The following FAM107A variants were observed in gnomAD, a reference collection of about 807,000 sequenced individuals.
The protein encoded by FAM107A is family with sequence similarity 107 member A.
FAM107A carries 19 observed loss-of-function variants against 13.7 expected under a neutral mutation model. That is an observed-to-expected ratio of 1.38 (90% CI 0.97 to 2.03). FAM107A has a LOEUF of 2.03. Among genes scored for constraint, FAM107A ranks in the 30% most tolerant of loss-of-function variants. The pLI is 0.00. For synonymous variants in FAM107A, 82 were observed against 74.5 expected (o/e 1.10, Z -0.52); for missense variants, 203 against 184.4 (o/e 1.10, Z -0.58).
intron 1 of FAM107A, among the ~76,000 whole-genome samples, chr3:58,616,514 T>C (rs2065901942): frequency 7.0e-6 from 1 of 142,170 alleles, no homozygotes; most frequent in Admixed American, 7.2e-5. Context: ...ACTGGTGTCC[T>C]TATAAGAGGA....
Position 58,603,215 on chromosome 3 carries a change from G to T in FAM107A, c.-69-13946C>A, listed in dbSNP as rs781072576. Among the ~76,000 whole-genome samples the T allele has an allele frequency of 9.5e-4, 145 of 152,184 alleles. 1 individual carries two copies. Among genetic ancestry groups the T allele is most frequent in the Non-Finnish European group, 8.8e-4 (60 of 67,998 alleles). On this transcript the variant is annotated intron_variant, in intron 1 of 3. Transcript: ENST00000465970. ...TCCCCATACCAACACTGTCCCCTGC[G>T]CTTGTGCACATTAGAAGCTCCCTAT...
chr3:58,616,568 C>CA (rs779144137), intron 1 of FAM107A, among the ~76,000 whole-genome samples: 25 of 137,094 alleles, frequency 1.8e-4, no homozygotes, highest in South Asian at 2.4e-4. Flanking sequence ...CACACACACA[C>CA]CACCACTACC....
At chr3:58,584,142 G>A (rs916832912) in intron 1 of FAM107A, among the ~76,000 whole-genome samples, 1 of 152,104 alleles carries the variant, frequency 6.6e-6, no homozygotes, top group African/African-American at 2.4e-5. Context: ...AGAGGCACAC[G>A]GTCCTGGTTG....
At chr3:58,580,058 C>T (rs531306138), upstream of FAM107A, among the ~76,000 whole-genome samples, 38 of 152,260 alleles carry the variant, frequency 2.5e-4, no homozygotes, top group African/African-American at 8.9e-4. Context: ...TGCAACTGTA[C>T]GTGAGATCAG....
chr3:58,587,514 TGTGTGG>T (rs1301688008), upstream of FAM107A, among the ~76,000 whole-genome samples: 1 of 137,274 alleles, frequency 7.3e-6, no homozygotes, highest in Non-Finnish European at 1.5e-5. Context: ...TGTGTGTGTG[TGTGTGG>T]CCCAGAACAG....
At chr3:58,582,274 C>T (rs534846963), upstream of FAM107A, among the ~76,000 whole-genome samples, 1 of 152,218 alleles carries the variant, frequency 6.6e-6, no homozygotes, top group South Asian at 2.1e-4. Flanking sequence ...TCAGATGGAA[C>T]TGAGTGCCCT....
At position 58,604,740 on chromosome 3, in the gene FAM107A, G is replaced by A. The variant is rs538848873; in HGVS notation, c.-69-15471C>T. On this transcript the variant is annotated intron_variant, in intron 1 of 3. Coordinates refer to the FAM107A transcript ENST00000465970. The surrounding 1 kb of genome is among the most constrained non-coding windows in gnomAD (Gnocchi z 4.1). Reference sequence around the variant, plus strand: ...CTATGTGCTAAACACTGGACTAGGTGCTTCAGGGTCTTCATCTACTAACTC... The same window carrying A: ...CTATGTGCTAAACACTGGACTAGGTACTTCAGGGTCTTCATCTACTAACTC... 1.2e-4 allele frequency among the ~76,000 whole-genome samples: 19 copies of A among 152,296 alleles called. No homozygotes were observed. Among genetic ancestry groups the A allele is most frequent in the South Asian group, 2.1e-4 (1 of 4,830 alleles).
At chr3:58,582,056 A>T (rs2065553089), upstream of FAM107A, among the ~76,000 whole-genome samples, 1 of 152,192 alleles carries the variant, frequency 6.6e-6, no homozygotes, top group African/African-American at 2.4e-5. Flanking sequence ...GCGCGCATGC[A>T]TGCAGGAGAA....
chr3:58,615,898 C>CAAAAAAAAAAA (rs11311985), intron 1 of FAM107A, among the ~76,000 whole-genome samples: 1 of 74,726 alleles, frequency 1.3e-5, no homozygotes, highest in Non-Finnish European at 2.5e-5. Context: ...GACCCTGTCT[C>CAAAAAAAAAAA]AAAAAAAAAA....
intron 1 of FAM107A, among the ~76,000 whole-genome samples, chr3:58,593,819 C>T (rs548004763): frequency 6.6e-6 from 1 of 152,280 alleles, no homozygotes; most frequent in South Asian, 2.1e-4. Flanking sequence ...ACCTCCGAAC[C>T]TCCTTTAATA....
intron 1 of FAM107A, among the ~76,000 whole-genome samples, chr3:58,612,906 T>C (rs2065867528): frequency 6.7e-6 from 1 of 149,676 alleles, no homozygotes; most frequent in Non-Finnish European, 1.5e-5. Flanking sequence ...TTATTTTTAT[T>C]GTGCCAGCAG....
rs190932777 is a variant in FAM107A at position 58,568,041 on chromosome 3, A to T, written c.171-677T>A. On this transcript the variant is annotated intron_variant, in intron 2 of 3. Transcript: ENST00000360997. ...AGCCTTGAACTCCTGGGATCAAGTG[A>T]TCCTCCTGCCTCGGCCTCCCAAAGT... Among the ~76,000 whole-genome samples, 595 of 152,148 alleles carry T rather than the reference A, an allele frequency of 3.9e-3. 7 individuals are homozygous for T. Among genetic ancestry groups the T allele is most frequent in the Admixed American group, 0.024 (364 of 15,290 alleles).
At chr3:58,615,721 C>T (rs10866025) in intron 1 of FAM107A, among the ~76,000 whole-genome samples, 56,770 of 151,416 alleles carry the variant, frequency 0.37, 10,860 homozygotes, top group East Asian at 0.46. Context: ...CATGGTGAGA[C>T]ACTGTCTCTA....
upstream of FAM107A, among the ~76,000 whole-genome samples, chr3:58,582,375 C>T (rs116098197): frequency 0.014 from 2,174 of 152,278 alleles, 61 homozygotes; most frequent in African/African-American, 0.05. Flanking sequence ...GTTGCTGATG[C>T]CCGCAGGCAC....
At chr3:58,580,500 G>A (rs557937399), upstream of FAM107A, among the ~76,000 whole-genome samples, 2 of 140,058 alleles carry the variant, frequency 1.4e-5, no homozygotes, top group Non-Finnish European at 3.0e-5. Context: ...CTGCAGCCTT[G>A]ACCTCCTGGG....
At chr3:58,626,020 C>T (rs962412501) in intron 1 of FAM107A, among the ~76,000 whole-genome samples, 1 of 152,154 alleles carries the variant, frequency 6.6e-6, no homozygotes, top group African/African-American at 2.4e-5. Flanking sequence ...CAGGTACCAG[C>T]CCCCCTTTAT....
In FAM107A at chr3:58,569,415, C is replaced by A. The variant is rs1383837129; in HGVS notation, c.170+276G>T. Among the ~76,000 whole-genome samples, 3 of 152,212 alleles carry A rather than the reference C, an allele frequency of 2.0e-5. No homozygotes were observed. The highest frequency in any genetic ancestry group is 4.4e-5 in the Non-Finnish European group (3 of 68,046). On this transcript the variant is annotated intron_variant, in intron 2 of 3. Transcript: ENST00000360997. This position sits in a 1 kb window ranked among gnomAD's most constrained non-coding sequence, Gnocchi z 5.7. Reference sequence around the variant, plus strand: ...CCCCAGGTCTGGGCTCAGTGCCCAGCACATAGTAGGTACTCAGTAAATGTA... The same window carrying A: ...CCCCAGGTCTGGGCTCAGTGCCCAGAACATAGTAGGTACTCAGTAAATGTA...
intron 1 of FAM107A, among the ~76,000 whole-genome samples, chr3:58,614,271 C>T (rs1438862663): frequency 6.6e-6 from 1 of 152,190 alleles, no homozygotes; most frequent in South Asian, 2.1e-4. Flanking sequence ...TTTTTTGCTT[C>T]TATGTCATGA....
Position 58,617,521 on chromosome 3 carries a change from C to T in FAM107A, c.-70+9895G>A, listed in dbSNP as rs1038453406. ...GAAAGTTCCAGCTCCTCGCCTTTCT[C>T]TCCGCCCCAGGCCCTGAGATCTGAT... On this transcript the variant is annotated intron_variant, in intron 1 of 3. Transcript: ENST00000465970. This position sits in a 1 kb window ranked among gnomAD's most constrained non-coding sequence, Gnocchi z 4.5. Among the ~76,000 whole-genome samples, 8 of 152,104 alleles carry T rather than the reference C, an allele frequency of 5.3e-5. No homozygotes were observed. The highest frequency in any genetic ancestry group is 1.9e-4 in the African/African-American group (8 of 41,410).
Sources: gnomAD v4.1 joint callset for allele counts (sites outside exome capture counted in the v4.1 genomes callset) on GRCh38, gnomAD v4.1.1 for gene constraint, Gnocchi (gnomAD v3.1) non-coding constraint, MANE v1.5 for transcripts, NCBI Gene and HGNC (gene_info 2026-07-23, HGNC 2026-07-21) for gene names.